TLE1: variants seen among roughly 807,000 people sequenced by gnomAD.
TLE1 encodes the protein TLE family member 1, transcriptional corepressor.
In TLE1, 21 loss-of-function variants were observed where a neutral mutation model predicts 89.8. The ratio of observed to expected loss-of-function variants is 0.23; its 90% CI spans 0.17 to 0.34. TLE1 has a LOEUF of 0.34. Among genes scored for constraint, TLE1 ranks in the 10% least tolerant of loss-of-function variants. The probability of loss-of-function intolerance (pLI) is 1.00; values close to 1 mark genes in which losing one functional copy is unlikely to be tolerated. For synonymous variants in TLE1, 447 were observed against 407.6 expected, an observed-to-expected ratio of 1.10 and a Z score of -1.16; for missense variants, 795 against 1,031.2, an observed-to-expected ratio of 0.77 and a Z score of 3.14.
chr9:81,614,800 C>A (rs1824204991), intron 11 of TLE1, among the ~76,000 whole-genome samples: 1 of 151,934 alleles, frequency 6.6e-6, no homozygotes, highest in Admixed American at 6.6e-5. Context: ...ACTGATCTGA[C>A]GAGCTCCATA....
At chr9:81,631,334 C>T (rs1826576228) in intron 8 of TLE1, among the ~76,000 whole-genome samples, 1 of 152,222 alleles carries the variant, frequency 6.6e-6, no homozygotes, top group Non-Finnish European at 1.5e-5. Flanking sequence ...TTCAGAAAGA[C>T]ACAGAGGTAT....
intron 4 of TLE1, among the ~76,000 whole-genome samples, chr9:81,678,468 A>G (rs1359235168): frequency 6.6e-6 from 1 of 152,062 alleles, no homozygotes; most frequent in East Asian, 1.9e-4. Context: ...GATCCTCTGG[A>G]GCTGGGATTA....
At position 81,687,310 on chromosome 9, in the gene TLE1, C is replaced by A. The variant is rs745483064; in HGVS notation, c.125+24G>T. ...GGGCACCGGGACGCCCGCGACCACT[C>A]GCATGGCGCGGCCGGACACGCACCT... On this transcript the variant is annotated intron_variant, in intron 2 of 19. Coordinates refer to ENST00000376499, the MANE Select transcript of TLE1 (RefSeq NM_005077.5). 5.7e-6 allele frequency: 9 copies of A among 1,583,786 alleles called. No homozygotes were observed. In the African/African-American group the frequency reaches 6.7e-5, roughly 12 times the overall value.
chr9:81,626,428 T>A (rs1250946303), intron 8 of TLE1, among the ~76,000 whole-genome samples: 1 of 152,200 alleles, frequency 6.6e-6, no homozygotes, highest in East Asian at 1.9e-4. Flanking sequence ...TTTGCTACGG[T>A]CCAACTGGTC....
At chr9:81,588,026 T>C (rs571776820) in intron 16 of TLE1, among the ~76,000 whole-genome samples, 198 bp from the exon 17 acceptor site, 1 of 151,538 alleles carries the variant, frequency 6.6e-6, no homozygotes, top group Non-Finnish European at 1.5e-5. Flanking sequence ...TGCGATTGTC[T>C]TTCCCTGTTT....
At chr9:81,584,653 T>C (rs1277541578) in intron 18 of TLE1, 129 bp from the exon 19 acceptor site, 8 of 788,866 alleles carry the variant, frequency 1.0e-5, no homozygotes, top group Non-Finnish European at 1.6e-5. Context: ...GACTGGTCCA[T>C]GATATGAACA....
intron 8 of TLE1, among the ~76,000 whole-genome samples, chr9:81,632,748 CTTCTTT>C (rs148748610): frequency 0.051 from 7,786 of 152,210 alleles, 251 homozygotes; most frequent in East Asian, 0.087. Flanking sequence ...ACTGAATTTC[CTTCTTT>C]TTAAGAGCTT....
At chr9:81,603,710 A>T (rs190927105) in intron 14 of TLE1, among the ~76,000 whole-genome samples, 1 of 152,338 alleles carries the variant, frequency 6.6e-6, no homozygotes, top group Non-Finnish European at 1.5e-5. Flanking sequence ...TTTGTATAAA[A>T]GTGATACAAG....
intron 4 of TLE1, among the ~76,000 whole-genome samples, chr9:81,673,064 G>A (rs763218739): frequency 5.3e-5 from 8 of 152,074 alleles, no homozygotes; most frequent in Admixed American, 6.6e-5. Flanking sequence ...CTTGAGGTCA[G>A]GAGTTTGTGA....
rs745722282 is a variant in TLE1, at chr9:81,652,253, G to A, written c.333C>T (p.Ala111=). The part of the protein sequence containing the change: ...QQQVAQAVER[A]KQVTMAELNA... ...TCAATTCTGCCATGGTCACCTGTTT[G>A]GCACGTTCAACAGCCTGGGCCACCT... Residue 111 remains alanine, a synonymous_variant, in exon 6 of 20, where the codon GCC becomes GCT. Coordinates refer to ENST00000376499, the MANE Select transcript of TLE1 (RefSeq NM_005077.5). 1.2e-6 allele frequency: 2 copies of A among 1,614,006 alleles called. No homozygotes were observed. Among genetic ancestry groups the A allele is most frequent in the South Asian group, 1.1e-5 (1 of 91,082 alleles).
At chr9:81,658,633 C>T (rs1292585662) in intron 4 of TLE1, among the ~76,000 whole-genome samples, 2 of 152,150 alleles carry the variant, frequency 1.3e-5, no homozygotes, top group Non-Finnish European at 2.9e-5. Flanking sequence ...CTCTGAAATA[C>T]CCTGGCTCCT....
intron 11 of TLE1, 90 bp from the exon 12 acceptor site, chr9:81,613,611 C>T: frequency 6.9e-7 from 1 of 1,454,012 alleles, no homozygotes; most frequent in Non-Finnish European, 9.4e-7. Context: ...ACACTGGGCA[C>T]CTTCTAGCTA....
intron 14 of TLE1, among the ~76,000 whole-genome samples, chr9:81,607,293 T>C (rs1052560687): frequency 6.6e-6 from 1 of 152,022 alleles, no homozygotes; most frequent in African/African-American, 2.4e-5. Flanking sequence ...ATGAATACTT[T>C]AATAAGCATG....
At chr9:81,684,457 G>A (rs1028049748) in intron 4 of TLE1, among the ~76,000 whole-genome samples, 12 of 152,080 alleles carry the variant, frequency 7.9e-5, no homozygotes, top group African/African-American at 2.7e-4. Flanking sequence ...TAATGTACAC[G>A]ATAACTTAAC....
At chr9:81,646,307 C>T (rs7853703) in intron 6 of TLE1, among the ~76,000 whole-genome samples, 72,597 of 152,008 alleles carry the variant, frequency 0.48, 17,585 homozygotes, top group East Asian at 0.68. Context: ...AAAGGAGAAA[C>T]GGACTGCGAA....
chr9:81,615,934 A>G (rs757839070), intron 11 of TLE1, 48 bp downstream of exon 11: 34 of 1,608,764 alleles, frequency 2.1e-5, no homozygotes, highest in Admixed American at 3.4e-5. Flanking sequence ...CCAGTCCACA[A>G]TGAAAAATAC....
chr9:81,681,765 C>T (rs1270456648), intron 4 of TLE1, among the ~76,000 whole-genome samples: 1 of 152,122 alleles, frequency 6.6e-6, no homozygotes, highest in Non-Finnish European at 1.5e-5. Context: ...GGCCTGTGAC[C>T]CTCCTCTCCC....
intron 9 of TLE1, among the ~76,000 whole-genome samples, 157 bp from the exon 10 acceptor site, chr9:81,616,856 AT>A (rs1377963128): frequency 1.3e-5 from 2 of 152,190 alleles, no homozygotes; most frequent in African/African-American, 4.8e-5. Context: ...CCTAGTAATT[AT>A]TATCATCTTC....
chr9:81,685,797 T>C (rs1262699044), intron 3 of TLE1, 36 bp downstream of exon 3: 7 of 1,613,242 alleles, frequency 4.3e-6, no homozygotes, highest in Non-Finnish European at 5.9e-6. Context: ...GCTAATATCA[T>C]ATGAAAAAGG....
Sources: allele counts gnomAD v4.1 joint callset (sites outside exome capture counted in the v4.1 genomes callset), GRCh38; gene constraint gnomAD v4.1.1; transcripts MANE v1.5; gene names NCBI Gene and HGNC (gene_info 2026-07-23, HGNC 2026-07-21).